CHD2: variants seen among roughly 807,000 people sequenced by gnomAD.
CHD2 encodes the protein chromodomain helicase DNA binding protein 2.
CHD2 carries 28 observed loss-of-function variants against 243.9 expected under a neutral mutation model. That is an observed-to-expected ratio of 0.11 (90% CI 0.09 to 0.16). CHD2 has a LOEUF of 0.16. CHD2 is among the 10% of genes least tolerant of loss of function. The pLI, the probability that CHD2 is intolerant of heterozygous loss-of-function variation, is 1.00. For missense variants in CHD2, 1,386 were observed against 2,209.8 expected (o/e 0.63, Z 7.47); for synonymous variants, 775 against 779.0 (o/e 0.99, Z 0.09).
At chr15:92,956,260 A>T (rs1254346021) in intron 15 of CHD2, among the ~76,000 whole-genome samples, 199 bp from the exon 16 acceptor site, 1 of 152,184 alleles carries the variant, frequency 6.6e-6, no homozygotes, top group Non-Finnish European at 1.5e-5. Flanking sequence ...CTTTTAGATG[A>T]TGATACTCTC....
chr15:92,984,198 T>G (rs773142855), intron 24 of CHD2, 132 bp from the exon 25 acceptor site: 4 of 626,592 alleles, frequency 6.4e-6, no homozygotes, highest in Non-Finnish European at 9.4e-6. Flanking sequence ...GAAAATTGAT[T>G]ATCTGATTAT....
chr15:92,969,795 A>G (rs1188672515), intron 17 of CHD2, among the ~76,000 whole-genome samples: 1 of 151,330 alleles, frequency 6.6e-6, no homozygotes. Flanking sequence ...AGAATAGTAA[A>G]AACAGGTTAA....
intron 2 of CHD2, among the ~76,000 whole-genome samples, chr15:92,906,119 A>G (rs532649820): frequency 5.5e-4 from 84 of 152,348 alleles, no homozygotes; most frequent in Middle Eastern, 3.4e-3. Flanking sequence ...ACTGTTGACA[A>G]TCTTGCAGCC....
At chr15:92,940,899 T>C (rs1360190000) in intron 7 of CHD2, among the ~76,000 whole-genome samples, 1 of 88,006 alleles carries the variant, frequency 1.1e-5, no homozygotes, top group African/African-American at 3.8e-5. Context: ...TAAAAATATA[T>C]ATAAATATAT....
intron 22 of CHD2, among the ~76,000 whole-genome samples, chr15:92,980,397 T>C (rs570703313): frequency 4.3e-4 from 65 of 152,166 alleles, no homozygotes; most frequent in African/African-American, 1.5e-3. Flanking sequence ...TAGCCCTTCC[T>C]AAATAAAATG....
At position 93,002,190 on chromosome 15, in the gene CHD2, A is replaced by G; in HGVS notation, c.4151A>G (p.Glu1384Gly). Reference sequence around the variant, plus strand: ...TTTGTTTCCTAGGATGATGGCTTGGAAAAAAGTCCAATGAAAAAAAAACAG... The same window carrying G: ...TTTGTTTCCTAGGATGATGGCTTGGGAAAAAGTCCAATGAAAAAAAAACAG... ...EEGEVKDDGL[E>G]KSPMKKKQKK... Residue 1384 changes from glutamate (E) to glycine (G), a missense_variant, in exon 33 of 39, where the codon GAA becomes GGA. Glu to Gly is a moderately conservative substitution (Grantham distance 98, BLOSUM62 -2). Transcript: ENST00000394196. 1 of 1,591,130 alleles carries G rather than the reference A, an allele frequency of 6.3e-7. No individual in the cohort carries two copies. The highest frequency in any genetic ancestry group is 8.5e-7 in the Non-Finnish European group (1 of 1,173,718).
At chr15:93,004,782 C>T (rs1272092843) in intron 34 of CHD2, 31 bp downstream of exon 34, 4 of 1,602,300 alleles carry the variant, frequency 2.5e-6, no homozygotes, top group African/African-American at 2.7e-5. Context: ...GTGCCAGTGT[C>T]TGCAGCCGCG....
At position 93,025,399 on chromosome 15, in the gene CHD2, T is replaced by C. The variant is rs1184483380; in HGVS notation, c.*694T>C. 1 of 152,730 alleles carries C rather than the reference T, an allele frequency of 6.5e-6. No individual in the cohort carries two copies. The highest frequency in any genetic ancestry group is 1.5e-5 in the Non-Finnish European group (1 of 68,118). 9.5% of individuals were successfully genotyped at this position (152,730 alleles called of 1,614,324 possible). ...ACACTAATTTTTCCCACACTGTCTT[T>C]GTACATTTCAGAGCTTTGGTCTCCT... is the stretch of plus-strand genomic sequence containing the variant. On this transcript the variant is annotated 3_prime_UTR_variant, in exon 39 of 39. Transcript: ENST00000394196.
chr15:92,927,894 T>G (rs957379021), intron 4 of CHD2, among the ~76,000 whole-genome samples: 12 of 152,240 alleles, frequency 7.9e-5, no homozygotes, highest in African/African-American at 2.9e-4. Flanking sequence ...TTTAAATTGG[T>G]ATTCTATACC....
chr15:92,948,935 G>C lies in CHD2; in HGVS notation c.1378-17G>C. On this transcript the variant is annotated splice_polypyrimidine_tract_variant and intron_variant, in intron 12 of 38. Coordinates refer to ENST00000394196, the MANE Select transcript of CHD2 (RefSeq NM_001271.4). ...GCAGTAAGAACATTTTCTCAGACTTGGGCTTTTGTTTTTCAGGCCCTGAAG... is the reference window on the plus strand; with the variant it reads ...GCAGTAAGAACATTTTCTCAGACTTCGGCTTTTGTTTTTCAGGCCCTGAAG... 6.2e-7 allele frequency: 1 copy of C among 1,608,144 alleles called. No homozygotes were observed. The highest frequency in any genetic ancestry group is 8.5e-7 in the Non-Finnish European group (1 of 1,178,196).
chr15:92,958,512 G>A (rs1420301697), intron 16 of CHD2, among the ~76,000 whole-genome samples: 1 of 152,098 alleles, frequency 6.6e-6, no homozygotes. Context: ...CATTGCCAAG[G>A]TCTGATTGCA....
intron 5 of CHD2, among the ~76,000 whole-genome samples, chr15:92,931,128 C>A (rs1423119976): frequency 6.6e-6 from 1 of 152,188 alleles, no homozygotes; most frequent in African/African-American, 2.4e-5. Context: ...TGTGTGGTCA[C>A]ATGCATTTCA....
At chr15:93,016,024 G>A (rs1249649717) in intron 37 of CHD2, among the ~76,000 whole-genome samples, 1 of 152,206 alleles carries the variant, frequency 6.6e-6, no homozygotes, top group Non-Finnish European at 1.5e-5. Context: ...CAACGAAAAT[G>A]AAATCAGTTA....
At chr15:93,016,782 A>AAAAAAAAAT (rs2141890875) in intron 37 of CHD2, among the ~76,000 whole-genome samples, 1 of 151,244 alleles carries the variant, frequency 6.6e-6, no homozygotes, top group Non-Finnish European at 1.5e-5. Flanking sequence ...ACCGTCTCAA[A>AAAAAAAAAT]AAAAAAAAAA....
intron 2 of CHD2, among the ~76,000 whole-genome samples, chr15:92,909,801 G>A (rs1052716324): frequency 1.3e-5 from 2 of 152,040 alleles, no homozygotes; most frequent in Non-Finnish European, 2.9e-5. Context: ...ACAGATGTGA[G>A]CCACCGTACC....
chr15:93,009,084 C>G, intron 34 of CHD2, 61 bp from the exon 35 acceptor site: 1 of 1,558,158 alleles, frequency 6.4e-7, no homozygotes, highest in Non-Finnish European at 8.7e-7. Flanking sequence ...GCACAGTAAG[C>G]AAAGGACAAG....
At chr15:92,969,962 G>A (rs2053819729) in intron 17 of CHD2, among the ~76,000 whole-genome samples, 1 of 151,878 alleles carries the variant, frequency 6.6e-6, no homozygotes, top group Admixed American at 6.6e-5. Flanking sequence ...ACCACAAGAA[G>A]TGGAAAAGAG....
chr15:93,016,819 A>T (rs1038302546), intron 37 of CHD2, among the ~76,000 whole-genome samples: 1 of 151,824 alleles, frequency 6.6e-6, no homozygotes. Flanking sequence ...CAAAACTCAA[A>T]GGAATCCAGA....
intron 25 of CHD2, among the ~76,000 whole-genome samples, chr15:92,985,026 GAC>G (rs1440953614): frequency 2.6e-5 from 4 of 152,130 alleles, no homozygotes; most frequent in African/African-American, 4.8e-5. Context: ...GGAGGTAATA[GAC>G]ACAGATTTGT....
Sources: allele counts gnomAD v4.1 joint callset (sites outside exome capture counted in the v4.1 genomes callset), GRCh38; gene constraint gnomAD v4.1.1; transcripts MANE v1.5; gene names NCBI Gene and HGNC (gene_info 2026-07-23, HGNC 2026-07-21).